The following ALK variants were observed in gnomAD, a reference collection of about 807,000 sequenced individuals.
ALK encodes the protein ALK tyrosine kinase receptor.
A neutral mutation model predicts 163.1 loss-of-function variants in ALK; 74 were observed. The ratio of observed to expected loss-of-function variants is 0.45; its 90% CI spans 0.38 to 0.55. ALK has a LOEUF of 0.55. Ranked by LOEUF, ALK falls within the 20% of genes least tolerant of loss-of-function variation. The pLI, the probability that ALK is intolerant of heterozygous loss-of-function variation, is 0.00. For synonymous variants in ALK, 960 were observed against 843.2 expected (o/e 1.14, Z -2.40); for missense variants, 2,063 against 2,105.3 (o/e 0.98, Z 0.39).
chr2:29,459,616 C>G (rs568894117), intron 4 of ALK, among the ~76,000 whole-genome samples: 28 of 151,720 alleles, frequency 1.8e-4, no homozygotes, highest in African/African-American at 6.8e-4. Flanking sequence ...GAATTAAAAA[C>G]AAACAACTTC....
At chr2:29,295,129 G>C (rs914887551) in intron 9 of ALK, among the ~76,000 whole-genome samples, 2 of 152,140 alleles carry the variant, frequency 1.3e-5, no homozygotes, top group Admixed American at 6.5e-5. Flanking sequence ...GCTGTCTTTT[G>C]TCGGAATCCC....
intron 1 of ALK, among the ~76,000 whole-genome samples, chr2:29,887,621 G>C (rs796411815): frequency 6.6e-6 from 1 of 152,292 alleles, no homozygotes; most frequent in East Asian, 1.9e-4. Flanking sequence ...TTGTCAAAGT[G>C]CAGATTCTGG....
intron 1 of ALK, among the ~76,000 whole-genome samples, chr2:29,892,660 T>C (rs1364981578): frequency 1.3e-5 from 2 of 152,158 alleles, no homozygotes; most frequent in African/African-American, 4.8e-5. Flanking sequence ...GTCACATGAT[T>C]CGTAAGTGGC....
chr2:29,487,556 T>A (rs1671805648), intron 4 of ALK, among the ~76,000 whole-genome samples: 1 of 152,178 alleles, frequency 6.6e-6, no homozygotes, highest in Non-Finnish European at 1.5e-5. Flanking sequence ...GATTCAAGGT[T>A]GAAGTCCTAT....
intron 3 of ALK, among the ~76,000 whole-genome samples, chr2:29,562,319 A>G (rs1006161862): frequency 1.3e-5 from 2 of 152,192 alleles, no homozygotes; most frequent in African/African-American, 4.8e-5. Flanking sequence ...CCCTTTTCAC[A>G]TGAGAGTCCT....
At chr2:29,875,134 A>G (rs1666671242) in intron 1 of ALK, among the ~76,000 whole-genome samples, 1 of 152,258 alleles carries the variant, frequency 6.6e-6, no homozygotes, top group African/African-American at 2.4e-5. Flanking sequence ...CAATAGATGA[A>G]AGAACAAACA....
intron 22 of ALK, 41 bp from the exon 23 acceptor site, chr2:29,220,876 G>A (rs1669784130): frequency 1.9e-6 from 3 of 1,612,852 alleles, no homozygotes; most frequent in African/African-American, 2.7e-5. Context: ...TAACTGAGCT[G>A]AGTCTGGGCA....
chr2:29,604,138 T>G (rs1404818928), intron 3 of ALK, among the ~76,000 whole-genome samples: 2 of 149,948 alleles, frequency 1.3e-5, no homozygotes, highest in Non-Finnish European at 3.0e-5. Context: ...TATTTTTGTA[T>G]AACTCAAGAG....
At chr2:29,578,311 C>T (rs539639388) in intron 3 of ALK, among the ~76,000 whole-genome samples, 3 of 152,298 alleles carry the variant, frequency 2.0e-5, no homozygotes, top group Admixed American at 6.5e-5. Flanking sequence ...TCCATTAAAC[C>T]TCTTTCTTTT....
At chr2:29,459,978 C>T (rs1013549676) in intron 4 of ALK, among the ~76,000 whole-genome samples, 1 of 152,152 alleles carries the variant, frequency 6.6e-6, no homozygotes, top group East Asian at 1.9e-4. Context: ...TTATGTGACT[C>T]ACTCCAAATC....
At chr2:29,778,500 C>T (rs778875632) in intron 1 of ALK, among the ~76,000 whole-genome samples, 1 of 152,144 alleles carries the variant, frequency 6.6e-6, no homozygotes, top group Non-Finnish European at 1.5e-5. Context: ...GGTTGGCCGC[C>T]ATCATGCGTG....
intron 1 of ALK, among the ~76,000 whole-genome samples, chr2:29,769,018 C>G (rs1680942379): frequency 6.6e-6 from 1 of 151,884 alleles, no homozygotes; most frequent in South Asian, 2.1e-4. Context: ...ATTTTTTATA[C>G]AGATAGGGTT....
intron 1 of ALK, among the ~76,000 whole-genome samples, chr2:29,846,441 T>C (rs1273155774): frequency 4.6e-5 from 7 of 152,250 alleles, no homozygotes; most frequent in Admixed American, 6.5e-5. Context: ...CTTTCAAGAA[T>C]ATTAGCTCCA....
At chr2:29,397,667 T>C (rs1163083587) in intron 4 of ALK, among the ~76,000 whole-genome samples, 1 of 152,232 alleles carries the variant, frequency 6.6e-6, no homozygotes, top group Non-Finnish European at 1.5e-5. Flanking sequence ...ACTTATTTCT[T>C]GCAAAGCAGC....
intron 4 of ALK, among the ~76,000 whole-genome samples, chr2:29,445,707 A>G (rs1670656954): frequency 6.6e-6 from 1 of 152,190 alleles, no homozygotes; most frequent in Non-Finnish European, 1.5e-5. Flanking sequence ...CTGTAGTCCC[A>G]GTTACTTGGG....
chr2:29,878,290 C>T (rs1666772620), intron 1 of ALK, among the ~76,000 whole-genome samples: 1 of 152,070 alleles, frequency 6.6e-6, no homozygotes, highest in Non-Finnish European at 1.5e-5. Flanking sequence ...AGTTATAAGC[C>T]TTTGGGAAAT....
At chr2:29,515,036 C>T (rs1220185967) in intron 4 of ALK, among the ~76,000 whole-genome samples, 2 of 152,198 alleles carry the variant, frequency 1.3e-5, no homozygotes, top group Non-Finnish European at 2.9e-5. Context: ...TCCAGCCAGT[C>T]TCCTCTTTTC....
intron 3 of ALK, among the ~76,000 whole-genome samples, chr2:29,629,277 T>C (rs902871701): frequency 3.9e-5 from 6 of 152,200 alleles, no homozygotes; most frequent in Non-Finnish European, 5.9e-5. Context: ...AAACCTTTAT[T>C]GTATTTTTAC....
chr2:29,257,473 A>T (rs1664979079), intron 11 of ALK, among the ~76,000 whole-genome samples: 1 of 147,140 alleles, frequency 6.8e-6, no homozygotes. Context: ...GTACATCGCT[A>T]AAAAAAAAAT....
Sources: allele counts gnomAD v4.1 joint callset (sites outside exome capture counted in the v4.1 genomes callset), GRCh38; gene constraint gnomAD v4.1.1; transcripts MANE v1.5; gene names NCBI Gene and HGNC (gene_info 2026-07-23, HGNC 2026-07-21).